Variants in EPPK1 observed in about 807,000 individuals in gnomAD.
EPPK1 encodes epiplakin.
For missense variants in EPPK1, 3,823 were observed against 3,673.3 expected, an observed-to-expected ratio of 1.04 and a Z score of -1.05; for synonymous variants, 1,862 against 1,721.2, an observed-to-expected ratio of 1.08 and a Z score of -2.03.
rs1466552231 is a variant in EPPK1 at position 143,867,403 on chromosome 8, C to T, written c.5851G>A (p.Val1951Met). 2 of 1,612,898 alleles carry T rather than the reference C, an allele frequency of 1.2e-6. No individual in the cohort carries two copies. The highest frequency in any genetic ancestry group is 1.7e-6 in the Non-Finnish European group (2 of 1,179,870). ...AGGCCCACATCCACAGCCTCATCCA[C>T]AGAGAGCTTCTGGCGGGTGCAGGGG... is the stretch of plus-strand genomic sequence containing the variant. ...LDPCTRQKLS[V>M]DEAVDVGLVN... Residue 1951 changes from valine to methionine, a missense_variant, in exon 2 of 2, where the codon GTG becomes ATG. By Grantham distance (21) the Val-to-Met change is conservative. Transcript: ENST00000615648.
chr8:143,873,539 C>G (rs1420717692), intron 1 of EPPK1, among the ~76,000 whole-genome samples: 1 of 152,044 alleles, frequency 6.6e-6, no homozygotes, highest in African/African-American at 2.4e-5. Flanking sequence ...GGAGGCCTCT[C>G]GGGACTCCAG....
At position 143,868,498 on chromosome 8, in the gene EPPK1, T is replaced by C. The variant is rs1554659962; in HGVS notation, c.4756A>G (p.Ser1586Gly). 1.2e-6 allele frequency: 2 copies of C among 1,610,674 alleles called. No individual in the cohort carries two copies. Among genetic ancestry groups the C allele is most frequent in the East Asian group, 2.2e-5 (1 of 44,836 alleles). Residue 1586 changes from serine (S) to glycine (G), a missense_variant, in exon 2 of 2, where the codon AGC becomes GGC. Ser to Gly is a moderately conservative substitution (Grantham distance 56). Coordinates refer to ENST00000615648, the MANE Select transcript of EPPK1 (RefSeq NM_031308.4). ...TGCCTCCTCAGGGCCTCTGGGATGC[T>C]CATCCTCTCCTGGGTGCCCTGGATA... ...VLIQGTQERM[S>G]IPEALRRHIL...
Position 143,872,810 on chromosome 8 carries a change from C to G in EPPK1, c.444G>C (p.Gln148His). The part of the protein sequence containing the change: ...GKEVVDRALG[Q>H]SWLEVQLATG... ...TGGCCAGTTGGACCTCCAGCCAGCT[C>G]TGCCCCAGGGCCCTGTCCACAACCT... The change falls in exon 2 of 2, where the codon CAG (glutamine) becomes CAC (histidine). Residue 148 changes from glutamine (Q) to histidine (H), a missense_variant. Gln to His is a conservative substitution (Grantham distance 24, BLOSUM62 0). Transcript: ENST00000615648. 1 of 1,567,000 alleles carries G rather than the reference C, an allele frequency of 6.4e-7. No individual in the cohort carries two copies. The highest frequency in any genetic ancestry group is 8.7e-7 in the Non-Finnish European group (1 of 1,154,232).
rs200946098 is a variant in EPPK1, at chr8:143,871,102, G to A, written c.2152C>T (p.Arg718Cys). The change falls in exon 2 of 2, where the codon CGC becomes TGC. Residue 718 changes from arginine to cysteine, a missense_variant. By Grantham distance (180) the Arg-to-Cys change is radical. Coordinates refer to ENST00000615648, the MANE Select transcript of EPPK1 (RefSeq NM_031308.4). ...GTGGCGATCTGGGCCTCCAGCAGGCGGATGCCGTGCTCCCGGACGATGAGG... is the reference window on the plus strand; with the variant it reads ...GTGGCGATCTGGGCCTCCAGCAGGCAGATGCCGTGCTCCCGGACGATGAGG... The part of the protein sequence containing the change: ...KGLIVREHGI[R>C]LLEAQIATGG... 4.0e-4 allele frequency: 644 copies of A among 1,613,138 alleles called. 2 individuals are homozygous for A. Among genetic ancestry groups the A allele is most frequent in the South Asian group, 6.7e-4 (61 of 91,084 alleles).
At chr8:143,878,395 CCCGCACCCG>C (rs71318630) in intron 1 of EPPK1, 34 bp downstream of exon 1, 18,270 of 81,566 alleles carry the variant, frequency 0.22, 2,462 homozygotes, top group Non-Finnish European at 0.27. Flanking sequence ...GCCGCACCTG[CCCGCACCCG>C]CCGCACCCGC....
In EPPK1 at chr8:143,870,234, G is replaced by A. The variant is rs782700952; in HGVS notation, c.3020C>T (p.Ala1007Val). 1 of 1,605,128 alleles carries A rather than the reference G, an allele frequency of 6.2e-7. No homozygotes were observed. Among genetic ancestry groups the A allele is most frequent in the Admixed American group, 1.7e-5 (1 of 59,114 alleles). The change falls in exon 2 of 2, where the codon GCC becomes GTC. Residue 1007 changes from alanine (A) to valine (V), a missense_variant. Transcript: ENST00000615648. The surrounding 1 kb of genome is among the most constrained non-coding windows in gnomAD (Gnocchi z 5.2). ...GAAGGGGTCTCTGAAGCCAGCAATG[G>A]CACCCTCAGCCCGCTTCAGCCTGCC... Reference protein sequence around the residue: ...LYGRLKRAEGAIAGFRDPFSG... With the variant: ...LYGRLKRAEGVIAGFRDPFSG...
rs267601818 is a variant in EPPK1, at chr8:143,868,682, G to A, written c.4572C>T (p.Leu1524=). ...RQPLQATFRG[L]RKQVSARDLF... ...GGTCCCTGGCTGACACCTGCTTCCG[G>A]AGCCCTCTGAAGGTGGCCTGCAGGG... The change falls in exon 2 of 2, where the codon CTC becomes CTT. Residue 1524 remains leucine (L), a synonymous_variant. Transcript: ENST00000615648. 12 of 1,580,894 alleles carry A rather than the reference G, an allele frequency of 7.6e-6. No individual in the cohort carries two copies. In the Admixed American group the frequency reaches 2.2e-4, roughly 29 times the overall value.
rs2130623337 is a variant in EPPK1, at chr8:143,867,305, T to C, written c.5949A>G (p.Thr1983=). The C allele has an allele frequency of 6.2e-7, 1 of 1,612,624 alleles. No homozygotes were observed. The highest frequency in any genetic ancestry group is 8.5e-7 in the Non-Finnish European group (1 of 1,179,742). The stretch of plus-strand genomic sequence containing the variant: ...CCTGGAACAGCGGGATCGTGTCTCC[T>C]GTGGCCGGATCCCTGTAGCCCGTGG... ...RAATGYRDPA[T]GDTIPLFQAM... Residue 1983 remains threonine (T), a synonymous_variant, in exon 2 of 2, where the codon ACA becomes ACG. Transcript: ENST00000615648.
rs562163305 is a variant in EPPK1, at chr8:143,871,929, G to T, written c.1325C>A (p.Thr442Lys). The change falls in exon 2 of 2, where the codon ACG (threonine) becomes AAG (lysine). Residue 442 changes from threonine (T) to lysine (K), a missense_variant. By Grantham distance (78) the Thr-to-Lys change is moderately conservative (BLOSUM62 -1). Coordinates refer to ENST00000615648, the MANE Select transcript of EPPK1 (RefSeq NM_031308.4). ...LSQAGSFSDGTHGGLRYEQLL... is the reference protein window; with the variant it reads ...LSQAGSFSDGKHGGLRYEQLL... ...CTGTTCATAGCGCAGGCCGCCGTGC[G>T]TGCCGTCTGAGAAGCTGCCAGCCTG... The T allele has an allele frequency of 3.1e-6, 5 of 1,603,638 alleles. No individual in the cohort carries two copies. The highest frequency in any genetic ancestry group is 2.2e-5 in the South Asian group (2 of 90,870).
chr8:143,868,352 G>C lies in EPPK1; in HGVS notation c.4902C>G (p.Phe1634Leu). 3.1e-6 allele frequency: 5 copies of C among 1,613,044 alleles called. No individual in the cohort carries two copies. Among genetic ancestry groups the C allele is most frequent in the Non-Finnish European group, 4.2e-6 (5 of 1,180,004 alleles). The stretch of plus-strand genomic sequence containing the variant: ...GCAGCTTCACGTAGGTTTCTTTCCC[G>C]AACATTCCTGCTTTGAACGCCTCCT... ...TVEEAFKAGM[F>L]GKETYVKLLS... Residue 1634 changes from phenylalanine to leucine, a missense_variant, in exon 2 of 2, where the codon TTC becomes TTG. By Grantham distance (22) the Phe-to-Leu change is conservative. Coordinates refer to ENST00000615648, the MANE Select transcript of EPPK1 (RefSeq NM_031308.4).
At chr8:143,879,139 G>A (rs1042045397), upstream of EPPK1, among the ~76,000 whole-genome samples, 1 of 152,312 alleles carries the variant, frequency 6.6e-6, no homozygotes, top group South Asian at 2.1e-4. Context: ...TCACAGCCTC[G>A]GGGGCTGGCC....
In EPPK1 at chr8:143,869,496, A is replaced by C; in HGVS notation, c.3758T>G (p.Leu1253Arg). 1 of 1,549,664 alleles carries C rather than the reference A, an allele frequency of 6.5e-7. No individual in the cohort carries two copies. The highest frequency in any genetic ancestry group is 1.2e-5 in the South Asian group (1 of 83,496). ...WGTGCVAGVL[L>R]QPSGAKASIA... ...GCTGGCCTTGGCCCCAGAGGGCTGT[A>C]GCAGCACACCGGCCACGCAGCCTGT... The change falls in exon 2 of 2, where the codon CTA becomes CGA. Residue 1253 changes from leucine (L) to arginine (R), a missense_variant. Coordinates refer to ENST00000615648, the MANE Select transcript of EPPK1 (RefSeq NM_031308.4).
chr8:143,877,421 G>A (rs936585531), intron 1 of EPPK1, among the ~76,000 whole-genome samples: 1 of 152,196 alleles, frequency 6.6e-6, no homozygotes, highest in East Asian at 1.9e-4. Flanking sequence ...GGGTGATGGG[G>A]TGGGGAGGAG....
rs782249042 is a variant in EPPK1 at position 143,869,868 on chromosome 8, T to C, written c.3386A>G (p.Gln1129Arg). Residue 1129 changes from glutamine (Q) to arginine (R), a missense_variant, in exon 2 of 2, where the codon CAG becomes CGG. By Grantham distance (43) the Gln-to-Arg change is conservative (BLOSUM62 1). Coordinates refer to ENST00000615648, the MANE Select transcript of EPPK1 (RefSeq NM_031308.4). ...APALPTEEQV[Q>R]RSLQAVPGAK... The stretch of plus-strand genomic sequence containing the variant: ...CCCCGGCACGGCCTGCAGGCTCCTC[T>C]GGACCTGCTCCTCGGTGGGGAGGGC... 1 of 1,604,412 alleles carries C rather than the reference T, an allele frequency of 6.2e-7. No homozygotes were observed. The highest frequency in any genetic ancestry group is 8.5e-7 in the Non-Finnish European group (1 of 1,176,152).
In EPPK1 at chr8:143,869,152, G is replaced by C; in HGVS notation, c.4102C>G (p.Pro1368Ala). The change falls in exon 2 of 2, where the codon CCT (proline) becomes GCT (alanine). Residue 1368 changes from proline to alanine, a missense_variant. By Grantham distance (27) the Pro-to-Ala change is conservative. Coordinates refer to ENST00000615648, the MANE Select transcript of EPPK1 (RefSeq NM_031308.4). ...TGGGGCAGGTGCACCCCGTGGACAGGGTCCACCACACCCCCTGTGGCCAGC... is the reference window on the plus strand; with the variant it reads ...TGGGGCAGGTGCACCCCGTGGACAGCGTCCACCACACCCCCTGTGGCCAGC... ...VQLATGGVVD[P>A]VHGVHLPQAA... The C allele has an allele frequency of 6.2e-7, 1 of 1,606,934 alleles. No homozygotes were observed. The highest frequency in any genetic ancestry group is 8.5e-7 in the Non-Finnish European group (1 of 1,179,536).
rs782661898 is a variant in EPPK1 at position 143,867,424 on chromosome 8, A to G, written c.5830T>C (p.Cys1944Arg). The part of the protein sequence containing the change: ...QAATGFLLDP[C>R]TRQKLSVDEA... ...TCCACAGAGAGCTTCTGGCGGGTGC[A>G]GGGGTCCAGGAGGAACCCGGTGGCG... The change falls in exon 2 of 2, where the codon TGC becomes CGC. Residue 1944 changes from cysteine to arginine, a missense_variant. By Grantham distance (180) the Cys-to-Arg change is radical (BLOSUM62 -3). Transcript: ENST00000615648. The G allele has an allele frequency of 6.8e-6, 11 of 1,612,660 alleles. No homozygotes were observed. In the South Asian group the frequency reaches 1.2e-4, roughly 18 times the overall value.
In EPPK1 at chr8:143,872,038, A is replaced by G; in HGVS notation, c.1216T>C (p.Cys406Arg). Residue 406 changes from cysteine (C) to arginine (R), a missense_variant, in exon 2 of 2, where the codon TGT (cysteine) becomes CGT (arginine). Cys to Arg is a radical substitution (Grantham distance 180, BLOSUM62 -3). Coordinates refer to ENST00000615648, the MANE Select transcript of EPPK1 (RefSeq NM_031308.4). ...GGCAGCCGGAGCCTGCGTGCTGGAC[A>G]GACCAGCCCGCCTGTGGCCAGCTGG... Reference protein sequence around the residue: ...DAQLATGGLVCPARRLRLPLE... With the variant: ...DAQLATGGLVRPARRLRLPLE... The G allele has an allele frequency of 1.3e-6, 2 of 1,558,390 alleles. No homozygotes were observed. The highest frequency in any genetic ancestry group is 1.8e-4 in the Middle Eastern group (1 of 5,462).
At position 143,869,976 on chromosome 8, in the gene EPPK1, G is replaced by A. The variant is rs372633695; in HGVS notation, c.3278C>T (p.Thr1093Met). Residue 1093 changes from threonine to methionine, a missense_variant, in exon 2 of 2, where the codon ACG becomes ATG. By Grantham distance (81) the Thr-to-Met change is moderately conservative. Transcript: ENST00000615648. The part of the protein sequence containing the change: ...TFPTPDGQGR[T>M]SYAQLLEECP... ...CTCCTCCAGGAGCTGGGCATAGCTC[G>A]TGCGCCCCTGGCCGTCCGGTGTGGG... The A allele has an allele frequency of 3.5e-5, 57 of 1,606,560 alleles. No individual in the cohort carries two copies. The highest frequency in any genetic ancestry group is 2.4e-4 in the African/African-American group (18 of 74,834).
In EPPK1 at chr8:143,858,067, G is replaced by C. The variant is rs781990798; in HGVS notation, c.15187C>G (p.Leu5063Val). Residue 5063 changes from leucine to valine, a missense_variant, in exon 2 of 2, where the codon CTC becomes GTC. Physicochemically the swap from Leu to Val is conservative, Grantham distance 32. Transcript: ENST00000615648. ...GFFDPNTHEN[L>V]TYLQLLQRAT... Reference sequence around the variant, plus strand: ...CTCTGCAGAAGCTGCAGGTACGTGAGGTTCTCGTGCGTGTTGGGGTCGAAG... The same window carrying C: ...CTCTGCAGAAGCTGCAGGTACGTGACGTTCTCGTGCGTGTTGGGGTCGAAG... The C allele has an allele frequency of 3.1e-6, 5 of 1,613,378 alleles. No homozygotes were observed. The African/African-American group carries it at 5.3e-5, about 17-fold the overall frequency.
Sources: gnomAD v4.1 joint callset for allele counts (sites outside exome capture counted in the v4.1 genomes callset) on GRCh38, gnomAD v4.1.1 for gene constraint, Gnocchi (gnomAD v3.1) non-coding constraint, MANE v1.5 for transcripts, NCBI Gene and HGNC (gene_info 2026-07-23, HGNC 2026-07-21) for gene names.